The following ATP6V0A4 variants were observed in gnomAD, a reference collection of about 807,000 sequenced individuals.
ATP6V0A4 encodes V-type proton ATPase 116 kDa subunit a 4.
A neutral mutation model predicts 107.3 loss-of-function variants in ATP6V0A4; 86 were observed. The observed-to-expected ratio is 0.80, with a 90% CI of 0.67 to 0.96. The LOEUF is 0.96. Ranked by LOEUF, ATP6V0A4 falls within the 40% of genes least tolerant of loss-of-function variation. ATP6V0A4 has a pLI of 0.00. For missense variants in ATP6V0A4, 908 were observed against 1,045.6 expected, an observed-to-expected ratio of 0.87 and a Z score of 1.81; for synonymous variants, 353 against 381.4, an observed-to-expected ratio of 0.93 and a Z score of 0.87.
rs551753841 is a variant in ATP6V0A4 at position 138,746,566 on chromosome 7, C to T, written c.1320+859G>A. ...TCACCCAGGCTGGAGTAAAGTGGCG[C>T]AATCTCAGCTCACTGCAACCTCCAC... On this transcript the variant is annotated intron_variant, in intron 13 of 21. Transcript: ENST00000310018. 2.4e-4 allele frequency among the ~76,000 whole-genome samples: 37 copies of T among 151,786 alleles called. No homozygotes were observed. In the South Asian group the frequency reaches 7.5e-3, roughly 31 times the overall value.
intron 1 of ATP6V0A4, among the ~76,000 whole-genome samples, chr7:138,796,502 C>G (rs1195316116): frequency 6.6e-6 from 1 of 152,190 alleles, no homozygotes; most frequent in Non-Finnish European, 1.5e-5. Context: ...CCTTACCAGG[C>G]CCATTCATGC....
chr7:138,756,022 C>A, intron 9 of ATP6V0A4: 2 of 668,374 alleles, frequency 3.0e-6, no homozygotes, highest in South Asian at 3.8e-5. Flanking sequence ...AACCATAAAA[C>A]CTGTGAGTTG....
chr7:138,714,339 G>C (rs1462713296), intron 20 of ATP6V0A4, among the ~76,000 whole-genome samples: 1 of 151,932 alleles, frequency 6.6e-6, no homozygotes, highest in Non-Finnish European at 1.5e-5. Context: ...GACTGGAGAA[G>C]GACCCAGAGA....
intron 21 of ATP6V0A4, among the ~76,000 whole-genome samples, chr7:138,707,331 T>TA (rs1376905636): frequency 2.0e-5 from 2 of 101,104 alleles, no homozygotes; most frequent in Non-Finnish European, 3.6e-5. Flanking sequence ...TATATTTATA[T>TA]TTATAATATA....
At chr7:138,747,756 G>A in intron 12 of ATP6V0A4, 192 bp from the exon 13 acceptor site, 9 of 965,360 alleles carry the variant, frequency 9.3e-6, no homozygotes, top group Non-Finnish European at 1.3e-5. Flanking sequence ...TAGGCATTCT[G>A]TTTTTCAATT....
In ATP6V0A4 at chr7:138,745,254, G is replaced by A; in HGVS notation, c.1347C>T (p.Arg449=). 6.2e-7 allele frequency: 1 copy of A among 1,614,072 alleles called. No individual in the cohort carries two copies. The highest frequency in any genetic ancestry group is 8.5e-7 in the Non-Finnish European group (1 of 1,179,962). The change falls in exon 14 of 22, where the codon CGC becomes CGT. Residue 449 remains arginine, a synonymous_variant. Transcript: ENST00000310018. ...AGATGCCCATAAGTAGGATCAGATAGCGCCCGTGGAAGAAGGTGTTCCAAA... is the reference window on the plus strand; with the variant it reads ...AGATGCCCATAAGTAGGATCAGATAACGCCCGTGGAAGAAGGTGTTCCAAA... ...NEIWNTFFHG[R]YLILLMGIFS... is the part of the protein sequence containing the mutation.
At chr7:138,753,012 G>A in intron 10 of ATP6V0A4, 175 bp from the exon 11 acceptor site, 1 of 659,582 alleles carries the variant, frequency 1.5e-6, no homozygotes, top group Non-Finnish European at 1.9e-6. Flanking sequence ...CCCCGCTAGA[G>A]GCTAAAACCC....
chr7:138,760,460 A>AAAAAAAAAAG (rs1806752736), intron 7 of ATP6V0A4, among the ~76,000 whole-genome samples: 1 of 145,012 alleles, frequency 6.9e-6, no homozygotes, highest in African/African-American at 2.6e-5. Context: ...AAAAAAAAAA[A>AAAAAAAAAAG]AAAAGAATAT....
Position 138,756,516 on chromosome 7 carries a change from A to C in ATP6V0A4, c.664T>G (p.Phe222Val). The C allele has an allele frequency of 6.2e-7, 1 of 1,606,562 alleles. No individual in the cohort carries two copies. The highest frequency in any genetic ancestry group is 8.5e-7 in the Non-Finnish European group (1 of 1,175,980). ...TGCTCTCCTTGGTAAAATATGATGAATATGTTCTTCTGAATTTCTTCTTTC... is the reference window on the plus strand; with the variant it reads ...TGCTCTCCTTGGTAAAATATGATGACTATGTTCTTCTGAATTTCTTCTTTC... ...VTKEEIQKNI[F>V]IIFYQGEQLR... is the part of the protein sequence containing the mutation. The change falls in exon 9 of 22, where the codon TTC becomes GTC. Residue 222 changes from phenylalanine to valine, a missense_variant. Transcript: ENST00000310018.
chr7:138,713,952 A>T (rs1338858560), intron 20 of ATP6V0A4, among the ~76,000 whole-genome samples: 2 of 150,922 alleles, frequency 1.3e-5, no homozygotes, highest in African/African-American at 4.9e-5. Context: ...AAAAAAAAAA[A>T]GTTCGCCAAG....
intron 15 of ATP6V0A4, among the ~76,000 whole-genome samples, chr7:138,738,299 C>T (rs368650058): frequency 1.3e-5 from 2 of 152,088 alleles, no homozygotes; most frequent in South Asian, 2.1e-4. Context: ...TCACTCAGTT[C>T]TGCAATGTGA....
intron 2 of ATP6V0A4, among the ~76,000 whole-genome samples, chr7:138,782,840 C>A (rs532075618): frequency 6.6e-6 from 1 of 151,986 alleles, no homozygotes; most frequent in Non-Finnish European, 1.5e-5. Context: ...TTTGGGAGGC[C>A]GAGGCAGTTG....
At chr7:138,774,301 G>A (rs191748783) in intron 2 of ATP6V0A4, among the ~76,000 whole-genome samples, 1 of 152,218 alleles carries the variant, frequency 6.6e-6, no homozygotes, top group East Asian at 1.9e-4. Context: ...TTTGGGGGCC[G>A]GGCGCCGTGG....
At chr7:138,709,847 T>C (rs772006398) in intron 20 of ATP6V0A4, 52 bp from the exon 21 acceptor site, 3 of 1,591,508 alleles carry the variant, frequency 1.9e-6, no homozygotes, top group Non-Finnish European at 2.6e-6. Context: ...AGATTGTTAT[T>C]TATTGTATTT....
intron 19 of ATP6V0A4, among the ~76,000 whole-genome samples, chr7:138,718,592 G>A (rs1296150112): frequency 1.0e-5 from 1 of 99,592 alleles, no homozygotes; most frequent in Non-Finnish European, 2.0e-5. Flanking sequence ...GGCGGAATGG[G>A]GAGGAATGGG....
intron 8 of ATP6V0A4, among the ~76,000 whole-genome samples, chr7:138,757,346 T>C (rs767977571): frequency 1.7e-4 from 26 of 151,996 alleles, no homozygotes; most frequent in Non-Finnish European, 3.1e-4. Flanking sequence ...TAAAACCCCA[T>C]CTCTACAAAA....
In ATP6V0A4 at chr7:138,752,625, C is replaced by A; in HGVS notation, c.1029G>T (p.Met343Ile). 1 of 1,613,092 alleles carries A rather than the reference C, an allele frequency of 6.2e-7. No individual in the cohort carries two copies. The highest frequency in any genetic ancestry group is 1.1e-5 in the South Asian group (1 of 90,992). The change falls in exon 11 of 22, where the codon ATG becomes ATT. Residue 343 changes from methionine (M) to isoleucine (I), a missense_variant and splice_region_variant. Met to Ile is a conservative substitution (Grantham distance 10). Transcript: ENST00000310018. ...CCTCCTGGCTCCACCTGCCACGCAC[C>A]ATGCCTTGCTCCAGTGCCCTCTTGA... is the stretch of plus-strand genomic sequence containing the variant. ...TRIKRALEQG[M>I]ELSGSSMAPI...
At chr7:138,707,310 T>A (rs1464710833) in intron 21 of ATP6V0A4, among the ~76,000 whole-genome samples, 3 of 88,956 alleles carry the variant, frequency 3.4e-5, no homozygotes, top group African/African-American at 1.5e-4. Flanking sequence ...ATATTTATAT[T>A]TATTTATATT....
intron 12 of ATP6V0A4, among the ~76,000 whole-genome samples, chr7:138,748,088 G>C (rs1806045788): frequency 6.6e-6 from 1 of 151,832 alleles, no homozygotes; most frequent in Admixed American, 6.6e-5. Flanking sequence ...CCACTTTACA[G>C]ATGTGCTGAG....
Sources: gnomAD v4.1 joint callset for allele counts (sites outside exome capture counted in the v4.1 genomes callset) on GRCh38, gnomAD v4.1.1 for gene constraint, MANE v1.5 for transcripts, NCBI Gene and HGNC (gene_info 2026-07-23, HGNC 2026-07-21) for gene names.